Variants in AGBL4 observed in about 807,000 individuals in gnomAD.
AGBL4 encodes AGBL carboxypeptidase 4.
In AGBL4, 58 loss-of-function variants were observed where a neutral mutation model predicts 66.4. The observed-to-expected ratio is 0.87, with a 90% confidence interval of 0.71 to 1.09. The LOEUF (loss-of-function observed/expected upper bound fraction) is 1.09. AGBL4 is among the 50% of genes least tolerant of loss of function. The pLI is 0.00. For missense variants in AGBL4, 579 were observed against 631.0 expected (o/e 0.92, Z 0.88); for synonymous variants, 234 against 222.9 (o/e 1.05, Z -0.44).
intron 6 of AGBL4, among the ~76,000 whole-genome samples, chr1:48,771,292 T>C (rs1012909144): frequency 1.3e-5 from 2 of 152,214 alleles, no homozygotes; most frequent in South Asian, 2.1e-4. Context: ...AGAAAGAGAA[T>C]TGGTCTTGGT....
At chr1:49,421,571 A>G (rs77299491) in intron 3 of AGBL4, among the ~76,000 whole-genome samples, 9,340 of 152,320 alleles carry the variant, frequency 0.061, 373 homozygotes, top group East Asian at 0.098. Context: ...TAACCTAAGC[A>G]AGAAGAGAGT....
intron 4 of AGBL4, among the ~76,000 whole-genome samples, chr1:49,245,509 C>T (rs1450657142): frequency 6.6e-6 from 1 of 151,670 alleles, no homozygotes; most frequent in East Asian, 1.9e-4. Flanking sequence ...GCTGGTCATC[C>T]CAAGCACAGG....
chr1:49,738,829 C>T (rs1571444951), intron 2 of AGBL4, among the ~76,000 whole-genome samples: 1 of 152,198 alleles, frequency 6.6e-6, no homozygotes, highest in South Asian at 2.1e-4. Flanking sequence ...TTCCAACAGA[C>T]TTGCAGCTGA....
intron 4 of AGBL4, among the ~76,000 whole-genome samples, chr1:49,115,318 T>C (rs1347127715): frequency 6.6e-6 from 1 of 152,222 alleles, no homozygotes; most frequent in African/African-American, 2.4e-5. Flanking sequence ...CTTTTCTGTG[T>C]ATTATTTTTC....
chr1:49,743,342 A>G (rs528547761), intron 2 of AGBL4, among the ~76,000 whole-genome samples: 1 of 152,308 alleles, frequency 6.6e-6, no homozygotes, highest in South Asian at 2.1e-4. Flanking sequence ...GCAAATCAAA[A>G]CCACAATGAG....
intron 3 of AGBL4, among the ~76,000 whole-genome samples, chr1:49,620,135 C>G (rs1423732194): frequency 6.6e-6 from 1 of 152,026 alleles, no homozygotes; most frequent in Non-Finnish European, 1.5e-5. Context: ...TCTAATTAAA[C>G]TAAAGAGCTT....
chr1:48,874,165 C>T (rs1022491714), intron 5 of AGBL4, among the ~76,000 whole-genome samples: 4 of 152,156 alleles, frequency 2.6e-5, no homozygotes, highest in African/African-American at 9.7e-5. Context: ...TCAACACTCT[C>T]CAGAAACAGG....
chr1:48,556,331 T>C (rs1453083081), intron 11 of AGBL4, among the ~76,000 whole-genome samples: 2 of 152,180 alleles, frequency 1.3e-5, no homozygotes, highest in African/African-American at 4.8e-5. Flanking sequence ...CTGGCCTGTC[T>C]GTCTGACTGA....
chr1:48,599,628 C>A (rs1645046146), intron 9 of AGBL4, among the ~76,000 whole-genome samples: 1 of 152,176 alleles, frequency 6.6e-6, no homozygotes. Flanking sequence ...ATAGAACCTG[C>A]ACATAGATTA....
intron 3 of AGBL4, among the ~76,000 whole-genome samples, chr1:49,551,236 C>A (rs1652926902): frequency 6.6e-6 from 1 of 152,286 alleles, no homozygotes; most frequent in South Asian, 2.1e-4. Flanking sequence ...TTGGGCTTTG[C>A]CTTTCTCTGG....
rs1004312348 is a variant in AGBL4, at chr1:49,633,929, A to G, written c.282+63384T>C. On this transcript the variant is annotated intron_variant, in intron 3 of 13. Coordinates refer to ENST00000371839, the MANE Select transcript of AGBL4 (RefSeq NM_032785.4). ...TATGTAAATATTACATATTTTATAT[A>G]TATTTTAATAAAATTATTAAAATAA... 6.2e-4 allele frequency among the ~76,000 whole-genome samples: 91 copies of G among 146,796 alleles called. 1 individual carries two copies. Among genetic ancestry groups the G allele is most frequent in the Admixed American group, 1.5e-3 (22 of 14,580 alleles).
rs1648211688 is a variant in AGBL4 at position 48,731,974 on chromosome 1, G to A, written c.635-68733C>T. ...AGAGTAATGGAGGGGAGAAATGAGT[G>A]TGGGCTATGAGAAGGGCAGTACTGT... On this transcript the variant is annotated intron_variant, in intron 6 of 13. Transcript: ENST00000371839. Among the ~76,000 whole-genome samples the A allele has an allele frequency of 3.9e-5, 6 of 152,248 alleles. No individual in the cohort carries two copies. In the South Asian group the frequency reaches 1.2e-3, roughly 32 times the overall value.
At chr1:49,847,692 G>A (rs868857043) in intron 2 of AGBL4, among the ~76,000 whole-genome samples, 12 of 151,760 alleles carry the variant, frequency 7.9e-5, no homozygotes, top group Admixed American at 6.6e-4. Flanking sequence ...CATTACAAAT[G>A]GCAAATAAAC....
chr1:48,938,411 A>T (rs1655660748), intron 5 of AGBL4, among the ~76,000 whole-genome samples: 1 of 152,216 alleles, frequency 6.6e-6, no homozygotes, highest in Non-Finnish European at 1.5e-5. Flanking sequence ...ACATTGTAAT[A>T]AGTACTATAA....
rs772506247 is a variant in AGBL4, at chr1:49,043,055, T to A, written c.594+2529A>T. Among the ~76,000 whole-genome samples, 123 of 152,156 alleles carry A rather than the reference T, an allele frequency of 8.1e-4. 2 individuals carry two copies. Among genetic ancestry groups the A allele is most frequent in the Non-Finnish European group, 1.5e-3 (99 of 68,020 alleles). ...TGAGTAATGAATGAACTTCCCATTC[T>A]CTTAAAAAAGATCGCAATTCATATG... On this transcript the variant is annotated intron_variant, in intron 5 of 13. Coordinates refer to ENST00000371839, the MANE Select transcript of AGBL4 (RefSeq NM_032785.4).
At chr1:49,107,692 T>A (rs35128375) in intron 4 of AGBL4, among the ~76,000 whole-genome samples, 9,798 of 114,242 alleles carry the variant, frequency 0.086, 476 homozygotes, top group African/African-American at 0.19. Flanking sequence ...TGTGTGTGTG[T>A]GTGAGAGAGA....
intron 4 of AGBL4, among the ~76,000 whole-genome samples, chr1:49,233,165 A>G (rs1051133513): frequency 2.6e-5 from 4 of 152,210 alleles, no homozygotes; most frequent in Non-Finnish European, 5.9e-5. Flanking sequence ...TAAATATCTG[A>G]TCATACTTTG....
intron 3 of AGBL4, among the ~76,000 whole-genome samples, chr1:49,396,283 G>A (rs916422134): frequency 6.6e-6 from 1 of 150,806 alleles, no homozygotes; most frequent in African/African-American, 2.4e-5. Context: ...AAACATCCCT[G>A]TAACATACAT....
At chr1:48,525,592 G>A in the AGBL4 span, among the ~76,000 whole-genome samples, 21 of 152,250 alleles carry the variant, frequency 1.4e-4, no homozygotes, top group East Asian at 1.2e-3. Context: ...ATTTTCTGCT[G>A]AGGATTATGT....
Sources: gnomAD v4.1 joint callset for allele counts (sites outside exome capture counted in the v4.1 genomes callset) on GRCh38, gnomAD v4.1.1 for gene constraint, MANE v1.5 for transcripts, NCBI Gene and HGNC (gene_info 2026-07-23, HGNC 2026-07-21) for gene names.